Variants in SRSF10 observed in about 807,000 individuals in gnomAD.
SRSF10 encodes the protein serine/arginine-rich splicing factor 10.
A neutral mutation model predicts 32.6 loss-of-function variants in SRSF10; 9 were observed. The observed-to-expected ratio is 0.28, with a 90% CI of 0.17 to 0.48. The LOEUF is 0.48. SRSF10 is among the 20% of genes least tolerant of loss of function. SRSF10 has a pLI of 0.99. For missense variants in SRSF10, 201 were observed against 331.8 expected, an observed-to-expected ratio of 0.61 and a Z score of 3.06; for synonymous variants, 105 against 112.4, an observed-to-expected ratio of 0.93 and a Z score of 0.42.
At position 23,973,336 on chromosome 1, in the gene SRSF10, T is replaced by C. The variant is rs770028819; in HGVS notation, c.275-1324A>G. Among the ~76,000 whole-genome samples the C allele has an allele frequency of 5.9e-3, 901 of 152,184 alleles. 5 individuals are homozygous for C. Among genetic ancestry groups the C allele is most frequent in the Middle Eastern group, 0.017 (5 of 294 alleles). On this transcript the variant is annotated intron_variant, in intron 3 of 5. Transcript: ENST00000492112. The stretch of plus-strand genomic sequence containing the variant: ...TTTAAAAACTCCAAATGGAAGTGAG[T>C]GCCTTTTTGTTTTGAGATTGGGTCT...
chr1:23,974,368 G>C (rs1170398358), intron 3 of SRSF10, among the ~76,000 whole-genome samples: 1 of 152,074 alleles, frequency 6.6e-6, no homozygotes, highest in South Asian at 2.1e-4. Flanking sequence ...TTCCTGCCTT[G>C]TAAGTACGCA....
chr1:23,978,626 AACT>A (rs1330516557), intron 2 of SRSF10, 84 bp downstream of exon 2: 13 of 1,443,624 alleles, frequency 9.0e-6, no homozygotes, highest in Non-Finnish European at 1.1e-5. Flanking sequence ...GGACAAAAAG[AACT>A]ACTTTTTAGA....
At chr1:23,979,040 G>A in intron 1 of SRSF10, 1 of 180,626 alleles carries the variant, frequency 5.5e-6, no homozygotes, top group Non-Finnish European at 1.1e-5. Flanking sequence ...AGCAGCATTA[G>A]GTTGTATATA....
Position 23,971,600 on chromosome 1 carries a change from C to T in SRSF10, c.464G>A (p.Arg155His), listed in dbSNP as rs749652992. 14 of 1,610,894 alleles carry T rather than the reference C, an allele frequency of 8.7e-6. No homozygotes were observed. Among genetic ancestry groups the T allele is most frequent in the East Asian group, 2.2e-5 (1 of 44,880 alleles). Residue 155 changes from arginine (R) to histidine (H), a missense_variant, in exon 5 of 6, where the codon CGT becomes CAT. By Grantham distance (29) the Arg-to-His change is conservative. Transcript: ENST00000492112. ...ATCATTGTCGGAATGGCTTCTGCTACGCCGTGGTCTTCCAGTCGGTCTACT... is the reference window on the plus strand; with the variant it reads ...ATCATTGTCGGAATGGCTTCTGCTATGCCGTGGTCTTCCAGTCGGTCTACT... ...RNSRPTGRPR[R>H]SRSHSDNDRF...
intron 3 of SRSF10, among the ~76,000 whole-genome samples, chr1:23,974,469 C>T (rs1415651685): frequency 3.9e-5 from 6 of 152,108 alleles, no homozygotes; most frequent in Non-Finnish European, 8.8e-5. Context: ...TTACACTTAC[C>T]CCAAAACTTA....
At chr1:23,978,667 C>G in intron 2 of SRSF10, 46 bp downstream of exon 2, 1 of 1,559,390 alleles carries the variant, frequency 6.4e-7, no homozygotes, top group Non-Finnish European at 8.7e-7. Context: ...ACTTGAATTT[C>G]AAACTTCAAC....
rs1557560343 is a variant in SRSF10, at chr1:23,969,377, A to G, written c.*1765T>C. 68 of 985,770 alleles carry G rather than the reference A, an allele frequency of 6.9e-5. 1 individual carries two copies. In the South Asian group the frequency reaches 2.3e-3, roughly 34 times the overall value. The allele number at this position is 985,770 out of a possible 1,614,324, so 61.1% of individuals were successfully genotyped here. The stretch of plus-strand genomic sequence containing the variant: ...AAAAAAATTAAAGAAACGTGCATAT[A>G]AACGATTGCATAGCAGAACATGAAC... On this transcript the variant is annotated 3_prime_UTR_variant, in exon 6 of 6. Coordinates refer to ENST00000492112, the MANE Select transcript of SRSF10 (RefSeq NM_054016.4).
chr1:23,978,551 A>T, intron 2 of SRSF10, 162 bp downstream of exon 2: 1 of 917,594 alleles, frequency 1.1e-6, no homozygotes, highest in Non-Finnish European at 1.5e-6. Flanking sequence ...GATTAACTTT[A>T]ATAACGAGAG....
In SRSF10 at chr1:23,964,526, C is replaced by T. The variant is rs1160649192; in HGVS notation, c.*6616G>A. On this transcript the variant is annotated 3_prime_UTR_variant, in exon 6 of 6. Transcript: ENST00000492112. ...CTGTAATTTCAATTTGTCTTCTTTTCGATGGCAGTTATACTATGATGGAAT... is the reference window on the plus strand; with the variant it reads ...CTGTAATTTCAATTTGTCTTCTTTTTGATGGCAGTTATACTATGATGGAAT... 2.0e-5 allele frequency among the ~76,000 whole-genome samples: 3 copies of T among 151,996 alleles called. No homozygotes were observed. The highest frequency in any genetic ancestry group is 2.4e-5 in the African/African-American group (1 of 41,506).
chr1:23,973,992 AT>A (rs141826891), intron 3 of SRSF10, among the ~76,000 whole-genome samples: 95,121 of 134,054 alleles, frequency 0.71, 33,520 homozygotes, highest in East Asian at 0.77. Flanking sequence ...CTCAGCAGCT[AT>A]TTTTTTTTTT....
chr1:23,976,118 C>CTATA (rs1441750042), intron 2 of SRSF10: 5 of 152,078 alleles, frequency 3.3e-5, no homozygotes, highest in Non-Finnish European at 7.4e-5. Context: ...AGGTTAGGTA[C>CTATA]AGGTATAGGT....
chr1:23,979,961 G>A (rs985647436), intron 1 of SRSF10, among the ~76,000 whole-genome samples: 3 of 152,240 alleles, frequency 2.0e-5, no homozygotes, highest in African/African-American at 7.2e-5. Flanking sequence ...TGCGGAGGGG[G>A]AGGGGGACCG....
At chr1:23,972,289 A>G (rs1641805602) in intron 3 of SRSF10, among the ~76,000 whole-genome samples, 1 of 152,002 alleles carries the variant, frequency 6.6e-6, no homozygotes, top group Non-Finnish European at 1.5e-5. Flanking sequence ...CATGTATTCC[A>G]GCTACCCAGG....
chr1:23,974,759 G>C (rs781526194), intron 3 of SRSF10, among the ~76,000 whole-genome samples: 2 of 151,810 alleles, frequency 1.3e-5, no homozygotes, highest in Non-Finnish European at 2.9e-5. Flanking sequence ...AACCCGGGAG[G>C]TGGTGGTTGC....
intron 1 of SRSF10, chr1:23,979,046 A>T: frequency 5.8e-6 from 1 of 171,690 alleles, no homozygotes; most frequent in Non-Finnish European, 1.1e-5. Context: ...ATTAGGTTGT[A>T]TATAAGCCTT....
chr1:23,969,041 A>G lies in SRSF10; in HGVS notation c.*2101T>C. ...AGGACTGTTTCCATTGTTATTTTAG[A>G]ATCATATTCAATACTGTAATAATTC... On this transcript the variant is annotated 3_prime_UTR_variant, in exon 6 of 6. Coordinates refer to ENST00000492112, the MANE Select transcript of SRSF10 (RefSeq NM_054016.4). 2 of 837,890 alleles carry G rather than the reference A, an allele frequency of 2.4e-6. No homozygotes were observed. The highest frequency in any genetic ancestry group is 2.9e-6 in the Non-Finnish European group (2 of 695,030). 51.9% of individuals were successfully genotyped at this position (837,890 alleles called of 1,614,324 possible).
At chr1:23,971,521 T>G in intron 5 of SRSF10, 52 bp downstream of exon 5, 2 of 1,593,516 alleles carry the variant, frequency 1.3e-6, no homozygotes, top group Non-Finnish European at 1.7e-6. Context: ...GAGCAAAAGT[T>G]CACTCTGAAA....
rs544723740 is a variant in SRSF10, at chr1:23,975,146, T to A, written c.171-69A>T. On this transcript the variant is annotated intron_variant, in intron 2 of 5. Transcript: ENST00000492112. ...AATGAATGAAAGTTCAGTTGGTATGTCTGGAACAATTCACAATCTCCCAAT... is the reference window on the plus strand; with the variant it reads ...AATGAATGAAAGTTCAGTTGGTATGACTGGAACAATTCACAATCTCCCAAT... 5 of 1,192,956 alleles carry A rather than the reference T, an allele frequency of 4.2e-6. No individual in the cohort carries two copies. In the South Asian group the frequency reaches 6.1e-5, roughly 15 times the overall value. 73.9% of individuals were successfully genotyped at this position (1,192,956 alleles called of 1,614,324 possible).
At chr1:23,980,082 G>T in intron 1 of SRSF10, 109 bp downstream of exon 1, 6 of 1,228,776 alleles carry the variant, frequency 4.9e-6, no homozygotes, top group South Asian at 4.2e-5. Flanking sequence ...CGCGGGACCC[G>T]CCATCTTCAC....
Sources: gnomAD v4.1 joint callset for allele counts (sites outside exome capture counted in the v4.1 genomes callset) on GRCh38, gnomAD v4.1.1 for gene constraint, MANE v1.5 for transcripts, NCBI Gene and HGNC (gene_info 2026-07-23, HGNC 2026-07-21) for gene names.